Variants in WWTR1 observed in about 807,000 individuals in gnomAD.
WWTR1 encodes WW domain containing transcription regulator 1.
Under a neutral mutation model 40.1 loss-of-function variants are expected in WWTR1, and 13 were observed. The observed-to-expected ratio is 0.32, with a 90% CI of 0.21 to 0.52. The LOEUF is 0.52. WWTR1 is among the 20% of genes least tolerant of loss of function. The pLI, the probability that WWTR1 is intolerant of heterozygous loss-of-function variation, is 0.97. For missense variants in WWTR1, 436 were observed against 523.1 expected, an observed-to-expected ratio of 0.83 and a Z score of 1.63; for synonymous variants, 230 against 210.1, an observed-to-expected ratio of 1.09 and a Z score of -0.82.
intron 1 of WWTR1, among the ~76,000 whole-genome samples, chr3:149,672,880 C>T (rs996716979): frequency 2.0e-5 from 3 of 151,280 alleles, no homozygotes; most frequent in Admixed American, 6.6e-5. Context: ...GACTCCTGGG[C>T]TCAAGCGATC....
At chr3:149,537,476 G>C (rs1310849348) in intron 4 of WWTR1, among the ~76,000 whole-genome samples, 1 of 152,200 alleles carries the variant, frequency 6.6e-6, no homozygotes, top group Non-Finnish European at 1.5e-5. Context: ...TTCTAGGTAA[G>C]AGTATAGGTG....
intron 2 of WWTR1, among the ~76,000 whole-genome samples, chr3:149,625,100 CTTTT>C (rs759849000): frequency 2.1e-5 from 2 of 96,380 alleles, no homozygotes. Flanking sequence ...CAACTCTACC[CTTTT>C]TTTTTTTTTT....
chr3:149,637,371 G>A (rs1206726000), intron 2 of WWTR1, among the ~76,000 whole-genome samples: 1 of 151,840 alleles, frequency 6.6e-6, no homozygotes, highest in Non-Finnish European at 1.5e-5. Flanking sequence ...GATTACAGGG[G>A]TGTGCCACCA....
intron 3 of WWTR1, among the ~76,000 whole-genome samples, chr3:149,552,231 C>G (rs936531377): frequency 6.9e-6 from 1 of 144,814 alleles, no homozygotes; most frequent in Non-Finnish European, 1.5e-5. Flanking sequence ...CCCCCTACCC[C>G]TCAGGACCAA....
At chr3:149,538,543 G>A (rs1258720163) in intron 4 of WWTR1, among the ~76,000 whole-genome samples, 1 of 152,142 alleles carries the variant, frequency 6.6e-6, no homozygotes, top group East Asian at 1.9e-4. Context: ...GCTCAGCTCT[G>A]TTGCTACACC....
rs1324269898 is a variant in WWTR1, at chr3:149,567,037, C to T, written c.568+5827G>A. Among the ~76,000 whole-genome samples the T allele has an allele frequency of 2.0e-5, 3 of 151,948 alleles. No homozygotes were observed. The East Asian group carries it at 5.8e-4, about 29-fold the overall frequency. ...TTCTGAATTGGCTAGGGTTCGCAGG[C>T]TGGTGAAGTTGTTATAGTCTTTATT... On this transcript the variant is annotated intron_variant, in intron 3 of 6. Coordinates refer to ENST00000360632, the MANE Select transcript of WWTR1 (RefSeq NM_015472.6).
intron 1 of WWTR1, among the ~76,000 whole-genome samples, chr3:149,683,652 C>A (rs1297811596): frequency 6.6e-6 from 1 of 152,064 alleles, no homozygotes; most frequent in African/African-American, 2.4e-5. Flanking sequence ...TGAGATTGCA[C>A]CACTGCACTT....
intron 3 of WWTR1, among the ~76,000 whole-genome samples, chr3:149,546,912 T>C (rs970618619): frequency 1.3e-5 from 2 of 152,122 alleles, no homozygotes; most frequent in Non-Finnish European, 2.9e-5. Flanking sequence ...AACCGGTCGG[T>C]ATCCTAGAAG....
intron 2 of WWTR1, among the ~76,000 whole-genome samples, chr3:149,663,725 TAAG>T (rs1713685823): frequency 6.6e-6 from 1 of 152,088 alleles, no homozygotes; most frequent in African/African-American, 2.4e-5. Context: ...AAACCGCTCC[TAAG>T]AAGGCCACAA....
intron 4 of WWTR1, among the ~76,000 whole-genome samples, chr3:149,531,016 C>A (rs1350835701): frequency 6.6e-6 from 1 of 151,732 alleles, no homozygotes; most frequent in Non-Finnish European, 1.5e-5. Context: ...CTCACTGCAA[C>A]CTTCACCTAC....
At chr3:149,523,911 A>G (rs1735172172) in intron 6 of WWTR1, among the ~76,000 whole-genome samples, 1 of 152,362 alleles carries the variant, frequency 6.6e-6, no homozygotes, top group South Asian at 2.1e-4. Context: ...TAACTTAACC[A>G]GGTTAACTTG....
intron 2 of WWTR1, among the ~76,000 whole-genome samples, chr3:149,612,716 T>C (rs1260254243): frequency 6.6e-6 from 1 of 152,300 alleles, no homozygotes; most frequent in African/African-American, 2.4e-5. Context: ...GCAATTAGCA[T>C]GGAAAATAGG....
chr3:149,666,584 T>C (rs1036929811), intron 2 of WWTR1, among the ~76,000 whole-genome samples: 1 of 152,196 alleles, frequency 6.6e-6, no homozygotes, highest in African/African-American at 2.4e-5. Context: ...ATCATATTTA[T>C]ATAATATTTT....
At chr3:149,625,866 A>G (rs115124482) in intron 2 of WWTR1, among the ~76,000 whole-genome samples, 4,097 of 152,224 alleles carry the variant, frequency 0.027, 81 homozygotes, top group Middle Eastern at 0.044. Flanking sequence ...TTCTATGCAT[A>G]GCACTAAAAG....
intron 3 of WWTR1, among the ~76,000 whole-genome samples, chr3:149,724,492 G>C (rs1421039972): frequency 1.1e-5 from 1 of 91,626 alleles, no homozygotes; most frequent in African/African-American, 4.0e-5. Context: ...CTACCCCCCA[G>C]ACTCCTTAAA....
rs1711587701 is a variant in WWTR1 at position 149,632,370 on chromosome 3, TGCTTCCTGAAGTTATGTAA to T, written c.431+24487_431+24505del. The stretch of plus-strand genomic sequence containing the variant: ...TTCCCACTTTACCAACGAGGAAACG[TGCTTCCTGAAGTTATGTAA>T]GCTCATTATGTGGCAGATCCATGAT... On this transcript the variant is annotated intron_variant, in intron 2 of 6. Transcript: ENST00000360632. Among the ~76,000 whole-genome samples, 4 of 152,202 alleles carry T rather than the reference TGCTTCCTGAAGTTATGTAA, an allele frequency of 2.6e-5. No individual in the cohort carries two copies. In the South Asian group the frequency reaches 8.3e-4, roughly 31 times the overall value.
chr3:149,720,910 T>C (rs1715744472), intron 4 of WWTR1, among the ~76,000 whole-genome samples: 1 of 152,200 alleles, frequency 6.6e-6, no homozygotes, highest in South Asian at 2.1e-4. Flanking sequence ...CTTAAGTTTT[T>C]TCAGATTGTT....
chr3:149,661,769 G>A (rs1203264761), upstream of WWTR1, among the ~76,000 whole-genome samples: 1 of 131,700 alleles, frequency 7.6e-6, no homozygotes, highest in African/African-American at 2.9e-5. Context: ...GTCTTACTCT[G>A]TCACCTAGGC....
intron 2 of WWTR1, among the ~76,000 whole-genome samples, chr3:149,641,495 A>C (rs926338854): frequency 1.3e-5 from 2 of 152,240 alleles, no homozygotes; most frequent in African/African-American, 2.4e-5. Context: ...GGGAAATTTG[A>C]GTCCTTTAAT....
Sources: gnomAD v4.1 joint callset for allele counts (sites outside exome capture counted in the v4.1 genomes callset) on GRCh38, gnomAD v4.1.1 for gene constraint, MANE v1.5 for transcripts, NCBI Gene and HGNC (gene_info 2026-07-23, HGNC 2026-07-21) for gene names.